Variants in PCDHA12 observed in about 807,000 individuals in gnomAD.
PCDHA12 encodes the protein protocadherin alpha-12.
In PCDHA12, 44 loss-of-function variants were observed where a neutral mutation model predicts 60.0. The ratio of observed to expected loss-of-function variants is 0.73; its 90% CI spans 0.58 to 0.94. PCDHA12 has a LOEUF of 0.94. PCDHA12 is among the 40% of genes least tolerant of loss of function. PCDHA12 has a pLI of 0.00. For synonymous variants in PCDHA12, 569 were observed against 553.0 expected (o/e 1.03, Z -0.40); for missense variants, 1,276 against 1,239.7 (o/e 1.03, Z -0.44).
intron 1 of PCDHA12, among the ~76,000 whole-genome samples, chr5:140,912,042 A>G (rs782622902): frequency 6.6e-6 from 1 of 152,216 alleles, no homozygotes; most frequent in African/African-American, 2.4e-5. Flanking sequence ...CCAAGTCCCA[A>G]AGCTGAAGAA....
At chr5:140,881,382 C>A in intron 1 of PCDHA12, 1 of 984,112 alleles carries the variant, frequency 1.0e-6, no homozygotes, top group Non-Finnish European at 1.2e-6. Context: ...CAGCCGGCGG[C>A]GGTAAGTTAA....
At chr5:140,909,523 C>G (rs1265179214) in intron 1 of PCDHA12, among the ~76,000 whole-genome samples, 1 of 152,172 alleles carries the variant, frequency 6.6e-6, no homozygotes, top group Non-Finnish European at 1.5e-5. Context: ...AACCCCTGCA[C>G]ATTTTGAGTC....
chr5:140,996,918 A>T lies in PCDHA12; in HGVS notation c.2516-12709A>T, dbSNP rs10036183. On this transcript the variant is annotated intron_variant, in intron 3 of 3. Transcript: ENST00000398631. ...GAATTACATTGTTGAAGTAAATATT[A>T]AAAAATATAGCATTTTTGCATAGAA... Among the ~76,000 whole-genome samples, 492 of 152,328 alleles carry T rather than the reference A, an allele frequency of 3.2e-3. 4 individuals are homozygous for T. Among genetic ancestry groups the T allele is most frequent in the African/African-American group, 0.011 (464 of 41,562 alleles).
At position 140,942,948 on chromosome 5, in the gene PCDHA12, C is replaced by T. The variant is rs534534050; in HGVS notation, c.2368-36001C>T. 1.4e-4 allele frequency among the ~76,000 whole-genome samples: 22 copies of T among 151,804 alleles called. No individual in the cohort carries two copies. The South Asian group carries it at 4.0e-3, about 27-fold the overall frequency. On this transcript the variant is annotated intron_variant, in intron 1 of 3. Transcript: ENST00000398631. ...ATTGAAAAAGAGTTTAAAGTGTAGA[C>T]GTTCTGTTATCAGAATTAAATTTTG... is the stretch of plus-strand genomic sequence containing the variant.
chr5:140,917,359 A>G (rs2078164580), intron 1 of PCDHA12, among the ~76,000 whole-genome samples: 3 of 142,606 alleles, frequency 2.1e-5, no homozygotes, highest in South Asian at 2.2e-4. Flanking sequence ...CTTCTGTTCC[A>G]CTATCTTGCT....
chr5:140,927,077 G>A (rs568623488), intron 1 of PCDHA12: 1 of 1,610,844 alleles, frequency 6.2e-7, no homozygotes, highest in Non-Finnish European at 8.5e-7. Context: ...TCCAGCCACC[G>A]CGAGCTCTAC....
intron 3 of PCDHA12, among the ~76,000 whole-genome samples, chr5:141,007,519 T>A (rs1554261363): frequency 6.6e-6 from 1 of 151,934 alleles, no homozygotes; most frequent in African/African-American, 2.4e-5. Context: ...AGTGAGCTGA[T>A]ATCTCGCCAC....
chr5:140,957,169 A>T (rs868935808), intron 1 of PCDHA12, among the ~76,000 whole-genome samples: 16 of 152,164 alleles, frequency 1.1e-4, no homozygotes, highest in African/African-American at 3.9e-4. Flanking sequence ...CTAAGTATAT[A>T]AATTGGTTTA....
chr5:140,909,711 A>G (rs1473634057), intron 1 of PCDHA12, among the ~76,000 whole-genome samples: 1 of 152,122 alleles, frequency 6.6e-6, no homozygotes, highest in Non-Finnish European at 1.5e-5. Context: ...TGCTAAGTAT[A>G]CCTATGCCAA....
intron 1 of PCDHA12, among the ~76,000 whole-genome samples, chr5:140,885,076 A>G (rs1032982957): frequency 1.3e-5 from 2 of 152,226 alleles, no homozygotes; most frequent in African/African-American, 4.8e-5. Context: ...ATTATTTTAA[A>G]GAGCCCCATA....
intron 1 of PCDHA12, chr5:140,928,025 G>T: frequency 6.2e-7 from 1 of 1,614,148 alleles, no homozygotes; most frequent in South Asian, 1.1e-5. Flanking sequence ...GTCATTTGTG[G>T]CATGTCTAGT....
intron 1 of PCDHA12, among the ~76,000 whole-genome samples, chr5:140,893,362 C>T (rs782554595): frequency 6.6e-5 from 10 of 152,110 alleles, no homozygotes; most frequent in African/African-American, 9.7e-5. Flanking sequence ...TACATGCCCA[C>T]CAACAGCATT....
Position 140,928,935 on chromosome 5 carries a change from C to G in PCDHA12, c.2368-50014C>G, listed in dbSNP as rs782430427. On this transcript the variant is annotated intron_variant, in intron 1 of 3. Transcript: ENST00000398631. ...CAGGAGGGCAGCTTTCTGCCCAGAA[C>G]TTGTATTTAGTAATTGCCTTGGCTT... The G allele has an allele frequency of 2.5e-6, 4 of 1,613,984 alleles. No individual in the cohort carries two copies. The East Asian group carries it at 8.9e-5, about 36-fold the overall frequency.
chr5:140,939,607 A>G (rs1396731179), intron 1 of PCDHA12, among the ~76,000 whole-genome samples: 2 of 152,244 alleles, frequency 1.3e-5, no homozygotes, highest in Non-Finnish European at 2.9e-5. Flanking sequence ...CAAAAACAGA[A>G]CAAGGAGACA....
At chr5:140,971,695 A>G (rs563817946) in intron 1 of PCDHA12, among the ~76,000 whole-genome samples, 26 of 152,062 alleles carry the variant, frequency 1.7e-4, no homozygotes, top group Admixed American at 5.2e-4. Flanking sequence ...GTACTCACTA[A>G]CCACCCTGCT....
At chr5:140,997,910 A>T (rs2097790102) in intron 3 of PCDHA12, among the ~76,000 whole-genome samples, 2 of 152,234 alleles carry the variant, frequency 1.3e-5, no homozygotes. Flanking sequence ...AAGTAGAATT[A>T]CAGAATCATA....
At chr5:140,915,803 A>G (rs2077309798) in intron 1 of PCDHA12, among the ~76,000 whole-genome samples, 1 of 152,026 alleles carries the variant, frequency 6.6e-6, no homozygotes, top group Admixed American at 6.6e-5. Flanking sequence ...ACTACCACCT[A>G]TGTTCACTCA....
chr5:140,934,580 T>C lies in PCDHA12; in HGVS notation c.2368-44369T>C, dbSNP rs531235009. 3.9e-5 allele frequency among the ~76,000 whole-genome samples: 6 copies of C among 152,296 alleles called. No individual in the cohort carries two copies. In the East Asian group the frequency reaches 1.2e-3, roughly 29 times the overall value. On this transcript the variant is annotated intron_variant, in intron 1 of 3. Transcript: ENST00000398631. ...CTTTTTTTTAATTAATTGTAACATT[T>C]CTGTAATGGGTCTTCAACTATTTGA...
chr5:140,897,548 A>G (rs1417180451), intron 1 of PCDHA12, among the ~76,000 whole-genome samples: 6 of 152,098 alleles, frequency 3.9e-5, no homozygotes, highest in Admixed American at 2.6e-4. Context: ...ATAGTCTTCC[A>G]TGGTGTATAT....
Sources: gnomAD v4.1 joint callset for allele counts (sites outside exome capture counted in the v4.1 genomes callset) on GRCh38, gnomAD v4.1.1 for gene constraint, MANE v1.5 for transcripts, NCBI Gene and HGNC (gene_info 2026-07-23, HGNC 2026-07-21) for gene names.